COBL: variants seen among roughly 807,000 people sequenced by gnomAD.
COBL encodes cordon-bleu WH2 repeat protein, also known as protein cordon-bleu.
A neutral mutation model predicts 98.8 loss-of-function variants in COBL; 51 were observed. That is an observed-to-expected ratio of 0.52 (90% CI 0.41 to 0.65). The LOEUF (loss-of-function observed/expected upper bound fraction) is 0.65. COBL is among the 30% of genes least tolerant of loss of function. The probability of loss-of-function intolerance (pLI) is 0.00; values close to 1 mark genes in which losing one functional copy is unlikely to be tolerated. For synonymous variants in COBL, 634 were observed against 651.7 expected, an observed-to-expected ratio of 0.97 and a Z score of 0.41; for missense variants, 1,617 against 1,617.5, an observed-to-expected ratio of 1.00 and a Z score of 0.01.
At chr7:51,137,648 A>C (rs2129008278) in intron 5 of COBL, among the ~76,000 whole-genome samples, 1 of 152,048 alleles carries the variant, frequency 6.6e-6, no homozygotes, top group East Asian at 1.9e-4. Context: ...AGCTATTATG[A>C]TTATTACACT....
At chr7:51,031,230 C>G in intron 8 of COBL, 1 of 261,060 alleles carries the variant, frequency 3.8e-6, no homozygotes, top group East Asian at 8.3e-5. Context: ...CCACACACAG[C>G]TTTCATTCAC....
At chr7:51,280,339 C>T (rs573814285) in intron 1 of COBL, among the ~76,000 whole-genome samples, 1 of 152,232 alleles carries the variant, frequency 6.6e-6, no homozygotes, top group South Asian at 2.1e-4. Flanking sequence ...ATGCTCATCT[C>T]CCTGCTCCTA....
chr7:51,259,127 A>G (rs1797474912), intron 1 of COBL, among the ~76,000 whole-genome samples: 2 of 152,014 alleles, frequency 1.3e-5, no homozygotes, highest in African/African-American at 4.8e-5. Context: ...GTCTCTACTA[A>G]AAATACAAAA....
At position 51,243,371 on chromosome 7, in the gene COBL, G is replaced by A. The variant is rs566028855; in HGVS notation, c.42-23427C>T. 1.1e-4 allele frequency among the ~76,000 whole-genome samples: 16 copies of A among 152,286 alleles called. No individual in the cohort carries two copies. The East Asian group carries it at 2.7e-3, about 26-fold the overall frequency. On this transcript the variant is annotated intron_variant, in intron 1 of 12. Transcript: ENST00000265136. ...GTTCCAGTGGTGACACAGGGGTGAC[G>A]GTGATGTCACTGCCCTCATGGGACT...
intron 5 of COBL, among the ~76,000 whole-genome samples, chr7:51,157,765 T>C (rs1361470641): frequency 3.3e-5 from 5 of 152,252 alleles, no homozygotes; most frequent in East Asian, 3.8e-4. Flanking sequence ...GAATGTATTA[T>C]ATACTTGAAA....
chr7:51,127,187 G>A (rs1798293840), intron 6 of COBL, among the ~76,000 whole-genome samples: 1 of 152,246 alleles, frequency 6.6e-6, no homozygotes, highest in South Asian at 2.1e-4. Context: ...GGAGTACTAC[G>A]AGATGAGTGA....
At position 51,190,837 on chromosome 7, in the gene COBL, A is replaced by G; in HGVS notation, c.685+13T>C. 1.2e-6 allele frequency: 2 copies of G among 1,607,142 alleles called. No homozygotes were observed. The highest frequency in any genetic ancestry group is 1.7e-6 in the Non-Finnish European group (2 of 1,174,220). Reference sequence around the variant, plus strand: ...GATTATGGGCAGGTGCGTGAGACGCAGCGGGGCCTCACCTCTTCTGTTGTC... The same window carrying G: ...GATTATGGGCAGGTGCGTGAGACGCGGCGGGGCCTCACCTCTTCTGTTGTC... On this transcript the variant is annotated intron_variant, in intron 4 of 12. Coordinates refer to ENST00000265136, the MANE Select transcript of COBL (RefSeq NM_015198.5).
chr7:51,027,748 G>A lies in COBL; in HGVS notation c.3348C>T (p.Ala1116=). The A allele has an allele frequency of 6.2e-7, 1 of 1,614,134 alleles. No homozygotes were observed. The change falls in exon 10 of 13, where the codon GCC becomes GCT. Residue 1116 remains alanine, a synonymous_variant. Transcript: ENST00000265136. ...DTSLHSALME[A]IHSAGGKDRL... is the part of the protein sequence containing the mutation. Reference sequence around the variant, plus strand: ...TGTCCTTCCCTCCCGCAGAGTGGATGGCTTCCATCAGGGCAGAGTGCAGGG... The same window carrying A: ...TGTCCTTCCCTCCCGCAGAGTGGATAGCTTCCATCAGGGCAGAGTGCAGGG...
At chr7:51,032,571 T>G (rs531401165) in intron 8 of COBL, 1 of 152,308 alleles carries the variant, frequency 6.6e-6, no homozygotes, top group Admixed American at 6.5e-5. Flanking sequence ...TCTTTCTGAT[T>G]TGGTGACTAT....
intron 1 of COBL, among the ~76,000 whole-genome samples, chr7:51,313,731 T>C (rs1452072052): frequency 6.6e-6 from 1 of 152,226 alleles, no homozygotes; most frequent in African/African-American, 2.4e-5. Context: ...AGCCCTGTGT[T>C]CTGTAACAGC....
chr7:51,262,410 G>A lies in COBL; in HGVS notation c.42-42466C>T, dbSNP rs149628888. Among the ~76,000 whole-genome samples, 836 of 152,350 alleles carry A rather than the reference G, an allele frequency of 5.5e-3. 3 individuals carry two copies. Among genetic ancestry groups the A allele is most frequent in the African/African-American group, 0.019 (809 of 41,580 alleles). On this transcript the variant is annotated intron_variant, in intron 1 of 12. Coordinates refer to ENST00000265136, the MANE Select transcript of COBL (RefSeq NM_015198.5). The stretch of plus-strand genomic sequence containing the variant: ...GGACGAAACCGTGTCAGAGTCAGAA[G>A]CTGAAGAGAGGAAGTCAGTAGGACC...
intron 3 of COBL, among the ~76,000 whole-genome samples, 159 bp from the exon 4 acceptor site, chr7:51,191,237 A>T (rs1250157289): frequency 6.6e-6 from 1 of 152,178 alleles, no homozygotes; most frequent in African/African-American, 2.4e-5. Context: ...CATAATGAAT[A>T]TTGAAAAACA....
At chr7:51,087,022 A>C (rs931600590) in intron 6 of COBL, among the ~76,000 whole-genome samples, 1 of 151,876 alleles carries the variant, frequency 6.6e-6, no homozygotes, top group Non-Finnish European at 1.5e-5. Flanking sequence ...TCTAAATAAG[A>C]AGCTTATTGT....
At chr7:51,119,816 T>A (rs558389830) in intron 6 of COBL, among the ~76,000 whole-genome samples, 52 of 152,246 alleles carry the variant, frequency 3.4e-4, no homozygotes, top group Non-Finnish European at 4.6e-4. Context: ...TATTAATACA[T>A]TAACTCTTCA....
intron 1 of COBL, among the ~76,000 whole-genome samples, chr7:51,285,806 T>G (rs544356303): frequency 2.0e-4 from 30 of 152,196 alleles, no homozygotes; most frequent in Non-Finnish European, 3.8e-4. Context: ...AAAATAAGAA[T>G]GTTGGAGGAA....
chr7:51,043,484 G>C lies in COBL; in HGVS notation c.1305C>G (p.Asp435Glu). Residue 435 changes from aspartate (D) to glutamate (E), a missense_variant, in exon 8 of 13, where the codon GAC becomes GAG. Physicochemically the swap from Asp to Glu is conservative, Grantham distance 45 (BLOSUM62 2). Transcript: ENST00000265136. ...SMKYKDKWAT[D>E]QEDCSDQDLA... ...GGTCCTGGTCACTGCAGTCTTCCTG[G>C]TCTGTGGCCCACTTGTCTTTGTATT... is the stretch of plus-strand genomic sequence containing the variant. 1.2e-6 allele frequency: 2 copies of C among 1,614,210 alleles called. No individual in the cohort carries two copies. Among genetic ancestry groups the C allele is most frequent in the Non-Finnish European group, 1.7e-6 (2 of 1,180,032 alleles).
At chr7:51,227,978 A>G (rs967657794) in intron 1 of COBL, among the ~76,000 whole-genome samples, 1 of 152,196 alleles carries the variant, frequency 6.6e-6, no homozygotes, top group African/African-American at 2.4e-5. Context: ...CATAAAAACA[A>G]TAAATATCAC....
rs186337359 is a variant in COBL at position 51,302,562 on chromosome 7, C to T, written c.41+14031G>A. On this transcript the variant is annotated intron_variant, in intron 1 of 12. Transcript: ENST00000265136. ...CGCCATTGCACTCCAGCCTGGGCAACAAGAGCGAAACTCCGTCTCAAAAAA... is the reference window on the plus strand; with the variant it reads ...CGCCATTGCACTCCAGCCTGGGCAATAAGAGCGAAACTCCGTCTCAAAAAA... 1.9e-3 allele frequency among the ~76,000 whole-genome samples: 240 copies of T among 128,002 alleles called. 1 individual carries two copies. Among genetic ancestry groups the T allele is most frequent in the African/African-American group, 7.0e-3 (233 of 33,196 alleles). 84.0% of individuals were successfully genotyped at this position (128,002 alleles called of 152,430 possible).
At chr7:51,304,083 C>T (rs1264487481) in intron 1 of COBL, among the ~76,000 whole-genome samples, 1 of 152,172 alleles carries the variant, frequency 6.6e-6, no homozygotes, top group African/African-American at 2.4e-5. Flanking sequence ...GTCAGGAGAC[C>T]AGAATCCAGT....
Sources: allele counts gnomAD v4.1 joint callset (sites outside exome capture counted in the v4.1 genomes callset), GRCh38; gene constraint gnomAD v4.1.1; transcripts MANE v1.5; gene names NCBI Gene and HGNC (gene_info 2026-07-23, HGNC 2026-07-21).